Variants in SEPTIN14 observed in about 807,000 individuals in gnomAD.
SEPTIN14 encodes the protein septin-14.
A neutral mutation model predicts 53.6 loss-of-function variants in SEPTIN14; 40 were observed. That is an observed-to-expected ratio of 0.75 (90% CI 0.58 to 0.97). The LOEUF (loss-of-function observed/expected upper bound fraction) is 0.97, where lower values mean the gene tolerates loss of function less well. Among genes scored for constraint, SEPTIN14 ranks in the 50% least tolerant of loss-of-function variants. The probability of loss-of-function intolerance (pLI) is 0.00; values close to 1 mark genes in which losing one functional copy is unlikely to be tolerated. For synonymous variants in SEPTIN14, 138 were observed against 166.8 expected (o/e 0.83, Z 1.33); for missense variants, 471 against 508.2 (o/e 0.93, Z 0.70).
chr7:55,805,195 A>G, intron 9 of SEPTIN14, 63 bp downstream of exon 9: 1 of 1,445,820 alleles, frequency 6.9e-7, no homozygotes, highest in South Asian at 1.2e-5. Context: ...TTGAGATTAA[A>G]ACCCCCAAAT....
At chr7:55,846,359 A>G (rs1166383564) in intron 3 of SEPTIN14, among the ~76,000 whole-genome samples, 158 bp downstream of exon 3, 1 of 151,924 alleles carries the variant, frequency 6.6e-6, no homozygotes, top group Non-Finnish European at 1.5e-5. Context: ...ACCTGTCTCA[A>G]AAAATAAAAG....
At chr7:55,854,465 T>TGTC (rs1444490530) in intron 2 of SEPTIN14, among the ~76,000 whole-genome samples, 1 of 152,070 alleles carries the variant, frequency 6.6e-6, no homozygotes, top group Admixed American at 6.6e-5. Context: ...AGTCTCGCTC[T>TGTC]GTCGCCCAGG....
At position 55,819,204 on chromosome 7, in the gene SEPTIN14, A is replaced by G; in HGVS notation, c.740T>C (p.Val247Ala). 6.4e-7 allele frequency: 1 copy of G among 1,571,946 alleles called. No individual in the cohort carries two copies. The highest frequency in any genetic ancestry group is 1.2e-5 in the South Asian group (1 of 85,472). Residue 247 changes from valine (V) to alanine (A), a missense_variant, in exon 7 of 10, where the codon GTG becomes GCG. Physicochemically the swap from Val to Ala is moderately conservative, Grantham distance 64. Coordinates refer to ENST00000388975, the MANE Select transcript of SEPTIN14 (RefSeq NM_207366.3). ...TTTCACTTCATCTGTACTCCCTACCACAGCAAAGGGTAACAGCCCCTAGAA... is the reference window on the plus strand; with the variant it reads ...TTTCACTTCATCTGTACTCCCTACCGCAGCAAAGGGTAACAGCCCCTAGAA... ...SSVSGLLPFA[V>A]VGSTDEVKVG...
intron 2 of SEPTIN14, among the ~76,000 whole-genome samples, chr7:55,852,984 T>C (rs1237363105): frequency 6.6e-6 from 1 of 152,168 alleles, no homozygotes. Context: ...AAACCTACAA[T>C]GATATATCAT....
chr7:55,829,551 C>T (rs574140453), intron 6 of SEPTIN14, among the ~76,000 whole-genome samples: 1 of 151,902 alleles, frequency 6.6e-6, no homozygotes, highest in Non-Finnish European at 1.5e-5. Flanking sequence ...ATATGAATAT[C>T]TCTATGCATA....
At chr7:55,852,115 C>T (rs1299783811) in intron 2 of SEPTIN14, among the ~76,000 whole-genome samples, 1 of 148,022 alleles carries the variant, frequency 6.8e-6, no homozygotes, top group Non-Finnish European at 1.5e-5. Flanking sequence ...GCACTCCAGC[C>T]TGGGCAACAG....
intron 5 of SEPTIN14, among the ~76,000 whole-genome samples, chr7:55,835,935 G>T (rs909352531): frequency 6.6e-6 from 1 of 151,970 alleles, no homozygotes; most frequent in Non-Finnish European, 1.5e-5. Context: ...TAGAGACAGG[G>T]TTTCACCATG....
chr7:55,833,661 T>C (rs568454263), intron 6 of SEPTIN14, among the ~76,000 whole-genome samples: 4 of 152,160 alleles, frequency 2.6e-5, no homozygotes, highest in East Asian at 1.9e-4. Context: ...TGAGCCGAGA[T>C]TGTGCCACTG....
At chr7:55,838,995 C>T (rs920112489) in intron 5 of SEPTIN14, among the ~76,000 whole-genome samples, 1 of 152,196 alleles carries the variant, frequency 6.6e-6, no homozygotes, top group Non-Finnish European at 1.5e-5. Flanking sequence ...CTCCTTCTCA[C>T]CCTGGATATG....
At chr7:55,798,063 T>C in intron 9 of SEPTIN14, 1 of 177,370 alleles carries the variant, frequency 5.6e-6, no homozygotes, top group South Asian at 1.2e-4. Flanking sequence ...CCCTGATGCT[T>C]GCATTCAGCA....
At chr7:55,855,517 G>A (rs940828327) in intron 2 of SEPTIN14, among the ~76,000 whole-genome samples, 2 of 152,112 alleles carry the variant, frequency 1.3e-5, no homozygotes, top group African/African-American at 2.4e-5. Context: ...TAAAAAGTAT[G>A]AGCCATAAAG....
At chr7:55,811,588 G>T (rs148744593) in intron 7 of SEPTIN14, among the ~76,000 whole-genome samples, 1 of 132,388 alleles carries the variant, frequency 7.6e-6, no homozygotes, top group African/African-American at 2.9e-5. Context: ...TGCAACCTCC[G>T]CCTCCCAGGT....
rs77147600 is a variant in SEPTIN14, at chr7:55,804,479, G to A, written c.1119+779C>T. Among the ~76,000 whole-genome samples, 714 of 152,064 alleles carry A rather than the reference G, an allele frequency of 4.7e-3. 6 individuals are homozygous for A. Among genetic ancestry groups the A allele is most frequent in the African/African-American group, 0.017 (685 of 41,492 alleles). Reference sequence around the variant, plus strand: ...TCACCACGTTGGCCAGGCTGGTCTTGAACTCCTGGCTTTAGGGGATCCGCC... The same window carrying A: ...TCACCACGTTGGCCAGGCTGGTCTTAAACTCCTGGCTTTAGGGGATCCGCC... On this transcript the variant is annotated intron_variant, in intron 9 of 9. Transcript: ENST00000388975.
At chr7:55,845,777 C>T (rs1463367059) in intron 3 of SEPTIN14, among the ~76,000 whole-genome samples, 3 of 151,658 alleles carry the variant, frequency 2.0e-5, no homozygotes, top group African/African-American at 7.3e-5. Context: ...AGGCCGGGTG[C>T]GGTGGCTCAC....
chr7:55,856,555 C>T (rs1055784111), intron 2 of SEPTIN14, among the ~76,000 whole-genome samples: 2 of 151,932 alleles, frequency 1.3e-5, no homozygotes, highest in Non-Finnish European at 2.9e-5. Context: ...CCACACCTGG[C>T]TAATTTTTTG....
intron 5 of SEPTIN14, among the ~76,000 whole-genome samples, chr7:55,842,401 T>G (rs1343232082): frequency 6.6e-6 from 1 of 151,410 alleles, no homozygotes; most frequent in Admixed American, 6.6e-5. Context: ...GAGCCAGAAG[T>G]TCAAGTTCAG....
chr7:55,808,922 C>A (rs188830997), intron 7 of SEPTIN14, among the ~76,000 whole-genome samples: 38 of 152,172 alleles, frequency 2.5e-4, no homozygotes, highest in Admixed American at 1.5e-3. Context: ...GGTTTATATC[C>A]AAAGGAATAT....
intron 7 of SEPTIN14, among the ~76,000 whole-genome samples, chr7:55,816,395 G>A (rs188720961): frequency 3.2e-4 from 49 of 152,298 alleles, no homozygotes; most frequent in African/African-American, 1.2e-3. Flanking sequence ...TGCTTGAGTT[G>A]ATGGGTACTC....
intron 7 of SEPTIN14, among the ~76,000 whole-genome samples, chr7:55,816,073 C>T (rs1325964696): frequency 1.3e-5 from 2 of 152,116 alleles, no homozygotes; most frequent in African/African-American, 4.8e-5. Flanking sequence ...TGAGGACATT[C>T]TGTTAAGTGA....
Sources: gnomAD v4.1 joint callset for allele counts (sites outside exome capture counted in the v4.1 genomes callset) on GRCh38, gnomAD v4.1.1 for gene constraint, MANE v1.5 for transcripts, NCBI Gene and HGNC (gene_info 2026-07-23, HGNC 2026-07-21) for gene names.